Variants in ZNF518B observed in about 807,000 individuals in gnomAD.
ZNF518B encodes the protein zinc finger protein 518B.
ZNF518B carries 23 observed loss-of-function variants against 56.3 expected under a neutral mutation model. That is an observed-to-expected ratio of 0.41 (90% CI 0.29 to 0.58). ZNF518B has a LOEUF of 0.58. Ranked by LOEUF, ZNF518B falls within the 20% of genes least tolerant of loss-of-function variation. The pLI is 0.32. For synonymous variants in ZNF518B, 529 were observed against 465.9 expected, an observed-to-expected ratio of 1.14 and a Z score of -1.74; for missense variants, 1,460 against 1,272.1, an observed-to-expected ratio of 1.15 and a Z score of -2.25.
In ZNF518B at chr4:10,441,889, CG is replaced by C. The variant is rs1714698602; in HGVS notation, c.*1214del. ...TGTGGTTAAGACAAATTAGAAACAG[CG>C]TTACTATCAATGAAAACTAGGGATC... is the stretch of plus-strand genomic sequence containing the variant. On this transcript the variant is annotated 3_prime_UTR_variant, in exon 3 of 3. Transcript: ENST00000326756. 1 of 152,286 alleles carries C rather than the reference CG, an allele frequency of 6.6e-6. No individual in the cohort carries two copies. Among genetic ancestry groups the C allele is most frequent in the South Asian group, 2.1e-4 (1 of 4,832 alleles). 9.4% of individuals were successfully genotyped at this position (152,286 alleles called of 1,614,324 possible).
intron 2 of ZNF518B, chr4:10,453,280 C>A (rs1715399677): frequency 6.6e-6 from 1 of 152,062 alleles, no homozygotes; most frequent in African/African-American, 2.4e-5. Context: ...GTAGAAGAGT[C>A]CAGTAATGTC....
chr4:10,459,304 T>C (rs964209271), upstream of ZNF518B, among the ~76,000 whole-genome samples: 4 of 151,978 alleles, frequency 2.6e-5, no homozygotes, highest in Admixed American at 6.6e-5. Context: ...CAAGGAAAAA[T>C]AGAAACTACT....
At chr4:10,456,666 G>T (rs963528809) in intron 1 of ZNF518B, among the ~76,000 whole-genome samples, 2 of 152,312 alleles carry the variant, frequency 1.3e-5, no homozygotes, top group South Asian at 4.1e-4. Context: ...GCGCTCGGAG[G>T]ACGAGGCCAG....
At chr4:10,460,305 A>AAAAAAAC (rs1715701256), upstream of ZNF518B, among the ~76,000 whole-genome samples, 1 of 49,230 alleles carries the variant, frequency 2.0e-5, no homozygotes, top group Non-Finnish European at 3.3e-5. Context: ...ACTCTGTCTC[A>AAAAAAAC]AAAAAAAAAA....
chr4:10,447,042 A>C lies in ZNF518B; in HGVS notation c.-211-503T>G, dbSNP rs1715089252. ...TACCAACTCTCTCACTTACATGCTTAATTTGCCTTCATGAGTGCTAAGAAG... is the reference window on the plus strand; with the variant it reads ...TACCAACTCTCTCACTTACATGCTTCATTTGCCTTCATGAGTGCTAAGAAG... On this transcript the variant is annotated intron_variant, in intron 2 of 2. Coordinates refer to ENST00000326756, the MANE Select transcript of ZNF518B (RefSeq NM_053042.3). 1.3e-5 allele frequency among the ~76,000 whole-genome samples: 2 copies of C among 152,176 alleles called. 1 individual carries two copies. Among genetic ancestry groups the C allele is most frequent in the South Asian group, 4.1e-4 (2 of 4,834 alleles).
Position 10,442,808 on chromosome 4 carries a change from G to A in ZNF518B, c.*296C>T, listed in dbSNP as rs955813452. 11 of 331,518 alleles carry A rather than the reference G, an allele frequency of 3.3e-5. No homozygotes were observed. The highest frequency in any genetic ancestry group is 2.3e-4 in the African/African-American group (11 of 48,148). 20.5% of individuals were successfully genotyped at this position (331,518 alleles called of 1,614,324 possible). ...GATCAGTATGTACTCAGAAAACGGG[G>A]TGCTAAACAAAGAAAAGTCTCAGAT... On this transcript the variant is annotated 3_prime_UTR_variant, in exon 3 of 3. Coordinates refer to ENST00000326756, the MANE Select transcript of ZNF518B (RefSeq NM_053042.3).
chr4:10,444,595 C>T lies in ZNF518B; in HGVS notation c.1734G>A (p.Glu578=), dbSNP rs1451909548. The T allele has an allele frequency of 1.2e-6, 2 of 1,614,120 alleles. No individual in the cohort carries two copies. The highest frequency in any genetic ancestry group is 1.7e-6 in the Non-Finnish European group (2 of 1,180,002). ...CTACAGTTGAAACTGCCTTGTGTTC[C>T]TCTGTCTGGTTATCTTCCTGCTTCC... is the stretch of plus-strand genomic sequence containing the variant. The part of the protein sequence containing the change: ...SNRKQEDNQT[E]EHKAVSTVGQ... The change falls in exon 3 of 3, where the codon GAG becomes GAA. Residue 578 remains glutamate (E), a synonymous_variant. Transcript: ENST00000326756.
At chr4:10,457,777 G>A (rs1458196618), upstream of ZNF518B, among the ~76,000 whole-genome samples, 1 of 152,362 alleles carries the variant, frequency 6.6e-6, no homozygotes, top group South Asian at 2.1e-4. Context: ...GTGAAAGCGA[G>A]AGAAGAGGAG....
At position 10,444,322 on chromosome 4, in the gene ZNF518B, T is replaced by C; in HGVS notation, c.2007A>G (p.Ile669Met). 1 of 1,614,230 alleles carries C rather than the reference T, an allele frequency of 6.2e-7. No individual in the cohort carries two copies. Among genetic ancestry groups the C allele is most frequent in the South Asian group, 1.1e-5 (1 of 91,086 alleles). The change falls in exon 3 of 3, where the codon ATA (isoleucine) becomes ATG (methionine). Residue 669 changes from isoleucine (I) to methionine (M), a missense_variant. By Grantham distance (10) the Ile-to-Met change is conservative. Coordinates refer to ENST00000326756, the MANE Select transcript of ZNF518B (RefSeq NM_053042.3). The part of the protein sequence containing the change: ...IKSIELLRRK[I>M]AQLIESCGKP... Reference sequence around the variant, plus strand: ...TCCCACAGGACTCAATTAACTGAGCTATCTTTCTGCGCAACAGTTCAATTG... The same window carrying C: ...TCCCACAGGACTCAATTAACTGAGCCATCTTTCTGCGCAACAGTTCAATTG...
At chr4:10,453,901 C>T (rs1715425377) in intron 2 of ZNF518B, 1 of 152,138 alleles carries the variant, frequency 6.6e-6, no homozygotes, top group African/African-American at 2.4e-5. Flanking sequence ...AAAGGAGGTC[C>T]CTGGGACAGC....
Position 10,445,984 on chromosome 4 carries a change from T to C in ZNF518B, c.345A>G (p.Glu115=), listed in dbSNP as rs770031681. The change falls in exon 3 of 3, where the codon GAA becomes GAG. Residue 115 remains glutamate (E), a synonymous_variant. Transcript: ENST00000326756. ...SSATHVGNKT[E]NFSSSVNSKF... is the part of the protein sequence containing the mutation. ...TGCTATTGACAGAACTTGAGAAGTT[T>C]TCAGTTTTATTTCCAACATGAGTCG... 2 of 1,614,208 alleles carry C rather than the reference T, an allele frequency of 1.2e-6. No individual in the cohort carries two copies. Among genetic ancestry groups the C allele is most frequent in the South Asian group, 2.2e-5 (2 of 91,086 alleles).
rs1179260523 is a variant in ZNF518B, at chr4:10,440,688, CCAT to C, written c.*2413_*2415del. The C allele has an allele frequency of 6.6e-6, 1 of 152,012 alleles. No homozygotes were observed. Among genetic ancestry groups the C allele is most frequent in the African/African-American group, 2.4e-5 (1 of 41,304 alleles). 9.4% of individuals were successfully genotyped at this position (152,012 alleles called of 1,614,324 possible). On this transcript the variant is annotated 3_prime_UTR_variant, in exon 3 of 3. Transcript: ENST00000326756. ...CATATTCTACTCACACAATTAAGCT[CCAT>C]CAAAGTATGCAAGTTGTGTTTTTAC...
rs1714812560 is a variant in ZNF518B at position 10,443,852 on chromosome 4, A to G, written c.2477T>C (p.Leu826Ser). ...ATCTATTGGCCCCCTTTCACTTCTT[A>G]AAGGCTGTAAGTCTGAGTCCGCCTG... ...VRQADSDLQP[L>S]RSERGPIDMS... Residue 826 changes from leucine (L) to serine (S), a missense_variant, in exon 3 of 3, where the codon TTA becomes TCA. Transcript: ENST00000326756. 1 of 1,614,128 alleles carries G rather than the reference A, an allele frequency of 6.2e-7. No homozygotes were observed. Among genetic ancestry groups the G allele is most frequent in the African/African-American group, 1.3e-5 (1 of 75,018 alleles).
At position 10,442,849 on chromosome 4, in the gene ZNF518B, T is replaced by C. The variant is rs530867860; in HGVS notation, c.*255A>G. 26 of 420,296 alleles carry C rather than the reference T, an allele frequency of 6.2e-5. No individual in the cohort carries two copies. Among genetic ancestry groups the C allele is most frequent in the Admixed American group, 1.6e-4 (4 of 25,278 alleles). The allele number at this position is 420,296 out of a possible 1,614,324, so 26.0% of individuals were successfully genotyped here. ...AGTCTCAGATCCCACTGAAAATCTGTTCAGTTTCACAGGCTCTCTCCAGAA... is the reference window on the plus strand; with the variant it reads ...AGTCTCAGATCCCACTGAAAATCTGCTCAGTTTCACAGGCTCTCTCCAGAA... On this transcript the variant is annotated 3_prime_UTR_variant, in exon 3 of 3. Transcript: ENST00000326756.
At position 10,443,854 on chromosome 4, in the gene ZNF518B, A is replaced by G. The variant is rs1191565163; in HGVS notation, c.2475T>C (p.Pro825=). Residue 825 remains proline, a synonymous_variant, in exon 3 of 3, where the codon CCT becomes CCC. Coordinates refer to ENST00000326756, the MANE Select transcript of ZNF518B (RefSeq NM_053042.3). ...PVRQADSDLQ[P]LRSERGPIDM... ...CTATTGGCCCCCTTTCACTTCTTAA[A>G]GGCTGTAAGTCTGAGTCCGCCTGTC... 1.2e-6 allele frequency: 2 copies of G among 1,614,070 alleles called. No individual in the cohort carries two copies. Among genetic ancestry groups the G allele is most frequent in the East Asian group, 4.5e-5 (2 of 44,894 alleles).
rs1405908014 is a variant in ZNF518B at position 10,444,299 on chromosome 4, C to T, written c.2030G>A (p.Gly677Glu). 1 of 1,614,180 alleles carries T rather than the reference C, an allele frequency of 6.2e-7. No individual in the cohort carries two copies. The highest frequency in any genetic ancestry group is 8.5e-7 in the Non-Finnish European group (1 of 1,180,034). ...RKIAQLIESC[G>E]KPSSLASNSA... Reference sequence around the variant, plus strand: ...ATTTGAAGCCAAAGATGACGGCTTCCCACAGGACTCAATTAACTGAGCTAT... The same window carrying T: ...ATTTGAAGCCAAAGATGACGGCTTCTCACAGGACTCAATTAACTGAGCTAT... Residue 677 changes from glycine (G) to glutamate (E), a missense_variant, in exon 3 of 3, where the codon GGG becomes GAG. Coordinates refer to ENST00000326756, the MANE Select transcript of ZNF518B (RefSeq NM_053042.3).
rs1017164110 is a variant in ZNF518B at position 10,441,042 on chromosome 4, A to C, written c.*2062T>G. On this transcript the variant is annotated 3_prime_UTR_variant, in exon 3 of 3. Transcript: ENST00000326756. ...AGCACCAAATAAAAATGCAGTAATA[A>C]AATGATCCAAAGGGGTTTCTACTCA... 5.9e-5 allele frequency: 9 copies of C among 152,614 alleles called. No homozygotes were observed. The highest frequency in any genetic ancestry group is 2.2e-4 in the African/African-American group (9 of 41,434). The allele number at this position is 152,614 out of a possible 1,614,324, so 9.5% of individuals were successfully genotyped here. A position where few individuals can be genotyped will look rare whatever the true frequency, so the allele number is the denominator to read the frequency against.
At chr4:10,458,093 C>A (rs1043913926), upstream of ZNF518B, among the ~76,000 whole-genome samples, 1 of 152,086 alleles carries the variant, frequency 6.6e-6, no homozygotes. Flanking sequence ...TCCTGGACTT[C>A]GGTGCTATTT....
intron 2 of ZNF518B, among the ~76,000 whole-genome samples, chr4:10,447,486 G>C (rs1031284609): frequency 1.4e-4 from 21 of 152,090 alleles, no homozygotes; most frequent in African/African-American, 4.6e-4. Flanking sequence ...AGGAGAATGG[G>C]GAACGGGACA....
Sources: allele counts gnomAD v4.1 joint callset (sites outside exome capture counted in the v4.1 genomes callset), GRCh38; gene constraint gnomAD v4.1.1; transcripts MANE v1.5; gene names NCBI Gene and HGNC (gene_info 2026-07-23, HGNC 2026-07-21).